Variants in SLC22A23 observed in about 807,000 individuals in gnomAD.
SLC22A23 encodes solute carrier family 22 member 23.
Under a neutral mutation model 61.0 loss-of-function variants are expected in SLC22A23, and 26 were observed. The ratio of observed to expected loss-of-function variants is 0.43; its 90% CI spans 0.31 to 0.59. SLC22A23 has a LOEUF of 0.59. SLC22A23 is among the 20% of genes least tolerant of loss of function. The probability of loss-of-function intolerance (pLI) is 0.11; values close to 1 mark genes in which losing one functional copy is unlikely to be tolerated. For missense variants in SLC22A23, 796 were observed against 934.7 expected (o/e 0.85, Z 1.94); for synonymous variants, 430 against 413.9 (o/e 1.04, Z -0.47).
intron 1 of SLC22A23, among the ~76,000 whole-genome samples, chr6:3,452,076 G>A (rs1410410856): frequency 1.3e-5 from 2 of 152,184 alleles, no homozygotes; most frequent in Non-Finnish European, 2.9e-5. Flanking sequence ...GTGGGCTAAT[G>A]TGAGTGTTCT....
intron 4 of SLC22A23, among the ~76,000 whole-genome samples, chr6:3,316,351 G>A (rs762124354): frequency 7.9e-5 from 12 of 152,202 alleles, no homozygotes; most frequent in Non-Finnish European, 1.3e-4. Context: ...GTTTTCACAC[G>A]TAAGAAGCGT....
At chr6:3,287,469 A>C (rs1760131492) in intron 6 of SLC22A23, among the ~76,000 whole-genome samples, 1 of 151,724 alleles carries the variant, frequency 6.6e-6, no homozygotes, top group South Asian at 2.1e-4. Flanking sequence ...GCCACTGCAC[A>C]CCCACTTCAC....
At chr6:3,433,675 G>A (rs1419274594) in intron 1 of SLC22A23, among the ~76,000 whole-genome samples, 1 of 152,206 alleles carries the variant, frequency 6.6e-6, no homozygotes, top group Admixed American at 6.5e-5. Flanking sequence ...CACCAATGGA[G>A]AGAGAAACAC....
In SLC22A23 at chr6:3,324,169, C is replaced by T. The variant is rs954936123; in HGVS notation, c.914-167G>A. On this transcript the variant is annotated intron_variant, in intron 3 of 9. Coordinates refer to ENST00000406686, the MANE Select transcript of SLC22A23 (RefSeq NM_015482.2). This position sits in a 1 kb window ranked among gnomAD's most constrained non-coding sequence, Gnocchi z 4.3. Reference sequence around the variant, plus strand: ...GTGGTGTGCCAGTGTTTTACGGGCGCGTTGAGGCTCCAACTGGGAAGGGAA... The same window carrying T: ...GTGGTGTGCCAGTGTTTTACGGGCGTGTTGAGGCTCCAACTGGGAAGGGAA... The T allele has an allele frequency of 5.7e-5, 43 of 749,880 alleles. No individual in the cohort carries two copies. The highest frequency in any genetic ancestry group is 7.6e-5 in the Non-Finnish European group (36 of 471,796). The allele number at this position is 749,880 out of a possible 1,614,324, so 46.5% of individuals were successfully genotyped here.
At chr6:3,383,696 T>C (rs1767101058) in intron 3 of SLC22A23, among the ~76,000 whole-genome samples, 1 of 152,200 alleles carries the variant, frequency 6.6e-6, no homozygotes, top group Non-Finnish European at 1.5e-5. Context: ...CAGGAGAGTG[T>C]TCTGGCGAAA....
Position 3,456,596 on chromosome 6 carries a change from CGCG to C in SLC22A23, c.-40_-38del. On this transcript the variant is annotated 5_prime_UTR_variant, in exon 1 of 10. Transcript: ENST00000406686. The surrounding 1 kb of genome is among the most constrained non-coding windows in gnomAD (Gnocchi z 7.1). ...GCGGCTCCCGCAGAGGCGCATAGAGCGCGGCGGAGGCTCCGCGGGCGCCCCGGG... is the reference window on the plus strand; with the variant it reads ...GCGGCTCCCGCAGAGGCGCATAGAGCGCGGAGGCTCCGCGGGCGCCCCGGG... 2 of 980,666 alleles carry C rather than the reference CGCG, an allele frequency of 2.0e-6. No individual in the cohort carries two copies. Among genetic ancestry groups the C allele is most frequent in the Non-Finnish European group, 2.4e-6 (2 of 828,400 alleles). The allele number at this position is 980,666 out of a possible 1,614,324, so 60.7% of individuals were successfully genotyped here.
rs1763412339 is a variant in SLC22A23 at position 3,328,668 on chromosome 6, G to A, written c.914-4666C>T. On this transcript the variant is annotated intron_variant, in intron 3 of 9. Transcript: ENST00000406686. The surrounding 1 kb of genome is among the most constrained non-coding windows in gnomAD (Gnocchi z 5.0). Reference sequence around the variant, plus strand: ...ATTCCACCTGTGGACGGCAGTGCCCGCCCCCATGCCCTGGAGTCCTGATGG... The same window carrying A: ...ATTCCACCTGTGGACGGCAGTGCCCACCCCCATGCCCTGGAGTCCTGATGG... Among the ~76,000 whole-genome samples the A allele has an allele frequency of 3.3e-5, 5 of 152,114 alleles. No homozygotes were observed. Among genetic ancestry groups the A allele is most frequent in the Admixed American group, 6.5e-5 (1 of 15,270 alleles).
chr6:3,422,880 T>C (rs997364465), intron 1 of SLC22A23, among the ~76,000 whole-genome samples: 2 of 152,088 alleles, frequency 1.3e-5, no homozygotes, highest in Non-Finnish European at 2.9e-5. Flanking sequence ...GGATGGAAGA[T>C]ACACCCCAAC....
At chr6:3,441,781 C>T (rs899696718) in intron 1 of SLC22A23, among the ~76,000 whole-genome samples, 2 of 152,188 alleles carry the variant, frequency 1.3e-5, no homozygotes, top group Admixed American at 1.3e-4. Context: ...ATTTCCCAAC[C>T]GTCTCCGGCT....
intron 3 of SLC22A23, among the ~76,000 whole-genome samples, chr6:3,325,669 TAAAG>T (rs1763237541): frequency 6.6e-6 from 1 of 152,184 alleles, no homozygotes; most frequent in Non-Finnish European, 1.5e-5. Context: ...TCAAAAATAA[TAAAG>T]AAAAATAGGT....
At chr6:3,455,616 G>A (rs919926553) in intron 1 of SLC22A23, among the ~76,000 whole-genome samples, 6 of 152,238 alleles carry the variant, frequency 3.9e-5, no homozygotes, top group Non-Finnish European at 7.3e-5. Context: ...TCCTCCAGAG[G>A]GGGCTGGTGA....
chr6:3,456,434 C>T lies in SLC22A23; in HGVS notation c.126G>A (p.Ala42=). The part of the protein sequence containing the change: ...AAASAPLGGR[A]GPGGGAEIQP... ...GGATCTCCGCGCCGCCGCCGGGGCC[C>T]GCGCGTCCCCCGAGGGGCGCCGAGG... Residue 42 remains alanine (A), a synonymous_variant, in exon 1 of 10, where the codon GCG becomes GCA. Transcript: ENST00000406686. This position sits in a 1 kb window ranked among gnomAD's most constrained non-coding sequence, Gnocchi z 7.1. The T allele has an allele frequency of 8.4e-6, 11 of 1,314,636 alleles. No homozygotes were observed. The highest frequency in any genetic ancestry group is 1.1e-5 in the Non-Finnish European group (11 of 1,035,412). 81.4% of individuals were successfully genotyped at this position (1,314,636 alleles called of 1,614,324 possible).
intron 3 of SLC22A23, among the ~76,000 whole-genome samples, chr6:3,407,038 A>G (rs1316280938): frequency 6.6e-6 from 1 of 152,212 alleles, no homozygotes; most frequent in African/African-American, 2.4e-5. Flanking sequence ...CTAAAAAAAG[A>G]ATGCTATCCA....
chr6:3,310,516 C>T (rs1416512743), intron 4 of SLC22A23, among the ~76,000 whole-genome samples: 1 of 152,210 alleles, frequency 6.6e-6, no homozygotes, highest in Non-Finnish European at 1.5e-5. Context: ...TCCACATTCC[C>T]ATCTCTGTCC....
At chr6:3,368,187 C>T (rs1195649434) in intron 3 of SLC22A23, among the ~76,000 whole-genome samples, 1 of 152,226 alleles carries the variant, frequency 6.6e-6, no homozygotes, top group East Asian at 1.9e-4. Context: ...ATGGCATCTG[C>T]ATCTTGGGGA....
At chr6:3,375,968 T>C (rs956257758) in intron 3 of SLC22A23, among the ~76,000 whole-genome samples, 3 of 152,270 alleles carry the variant, frequency 2.0e-5, no homozygotes, top group African/African-American at 2.4e-5. Flanking sequence ...TTTGGTGCCA[T>C]GTGTATTTCA....
chr6:3,331,067 T>C (rs1384976273), intron 3 of SLC22A23, among the ~76,000 whole-genome samples: 1 of 152,206 alleles, frequency 6.6e-6, no homozygotes, highest in African/African-American at 2.4e-5. Flanking sequence ...GCACAATGAC[T>C]GTATTATGTA....
At chr6:3,392,982 C>T (rs1314547855) in intron 3 of SLC22A23, among the ~76,000 whole-genome samples, 2 of 149,980 alleles carry the variant, frequency 1.3e-5, no homozygotes, top group East Asian at 4.0e-4. Context: ...GGAGAAATGT[C>T]AGGAGCCCCA....
At chr6:3,365,306 A>C (rs527614905) in intron 3 of SLC22A23, among the ~76,000 whole-genome samples, 1 of 152,314 alleles carries the variant, frequency 6.6e-6, no homozygotes, top group African/African-American at 2.4e-5. Flanking sequence ...TGGGTGACAG[A>C]GCGAGATCCT....
Sources: allele counts gnomAD v4.1 joint callset (sites outside exome capture counted in the v4.1 genomes callset), GRCh38; gene constraint gnomAD v4.1.1; non-coding constraint Gnocchi (gnomAD v3.1); transcripts MANE v1.5; gene names NCBI Gene and HGNC (gene_info 2026-07-23, HGNC 2026-07-21).